The following SLC13A1 variants were observed in gnomAD, a reference collection of about 807,000 sequenced individuals.
SLC13A1 encodes the protein solute carrier family 13 member 1.
In SLC13A1, 65 loss-of-function variants were observed where a neutral mutation model predicts 70.0. The observed-to-expected ratio is 0.93, with a 90% confidence interval of 0.76 to 1.14. The LOEUF is 1.14. Among genes scored for constraint, SLC13A1 ranks in the 50% most tolerant of loss-of-function variants. SLC13A1 has a pLI of 0.00. For missense variants in SLC13A1, 726 were observed against 717.8 expected, an observed-to-expected ratio of 1.01 and a Z score of -0.13; for synonymous variants, 275 against 250.5, an observed-to-expected ratio of 1.10 and a Z score of -0.92.
At chr7:123,137,202 G>T (rs550071754) in intron 7 of SLC13A1, among the ~76,000 whole-genome samples, 2 of 152,276 alleles carry the variant, frequency 1.3e-5, no homozygotes, top group East Asian at 3.9e-4. Flanking sequence ...GAAACTGTGT[G>T]ATGTTCAGGA....
At position 123,168,406 on chromosome 7, in the gene SLC13A1, C is replaced by G. The variant is rs1404627734; in HGVS notation, c.628G>C (p.Gly210Arg). ...KPVPGYNNDT[G>R]KISSKVELEK... ...AACTCCACCTTGCTTGAAATTTTCC[C>G]TGTATCATTATTGTATCTGAAAAAT... The change falls in exon 6 of 15, where the codon GGG (glycine) becomes CGG (arginine). Residue 210 changes from glycine (G) to arginine (R), a missense_variant. Coordinates refer to ENST00000194130, the MANE Select transcript of SLC13A1 (RefSeq NM_022444.4). 1.9e-6 allele frequency: 3 copies of G among 1,592,122 alleles called. No homozygotes were observed. The highest frequency in any genetic ancestry group is 2.7e-5 in the African/African-American group (2 of 74,390).
chr7:123,129,085 A>T (rs1793663143), intron 9 of SLC13A1, 139 bp from the exon 10 acceptor site: 1 of 711,954 alleles, frequency 1.4e-6, no homozygotes, highest in East Asian at 2.7e-5. Context: ...ATTTGAGAGC[A>T]TCAGTGCAGT....
chr7:123,199,309 G>T (rs1467716609), intron 1 of SLC13A1, among the ~76,000 whole-genome samples: 1 of 152,082 alleles, frequency 6.6e-6, no homozygotes, highest in Admixed American at 6.6e-5. Flanking sequence ...TGCTTTATTA[G>T]ATTTTCTGAT....
intron 3 of SLC13A1, 34 bp from the exon 4 acceptor site, chr7:123,169,369 C>T (rs1385791747): frequency 1.3e-6 from 2 of 1,594,274 alleles, no homozygotes; most frequent in African/African-American, 1.3e-5. Flanking sequence ...TGGAGCTGTG[C>T]TCTTAGCTTA....
In SLC13A1 at chr7:123,172,005, C is replaced by T. The variant is rs1412597231; in HGVS notation, c.229-101G>A. The stretch of plus-strand genomic sequence containing the variant: ...GCTGCTCTTAATTTTGACCTTCAAC[C>T]GCATAATCTTTCCATTTTGTTGAGA... On this transcript the variant is annotated intron_variant, in intron 2 of 14. Transcript: ENST00000194130. 6.8e-5 allele frequency: 70 copies of T among 1,028,598 alleles called. No individual in the cohort carries two copies. In the South Asian group the frequency reaches 7.5e-4, roughly 11 times the overall value. 63.7% of individuals were successfully genotyped at this position (1,028,598 alleles called of 1,614,324 possible).
chr7:123,130,208 T>C (rs1344933217), intron 8 of SLC13A1, among the ~76,000 whole-genome samples: 1 of 152,122 alleles, frequency 6.6e-6, no homozygotes, highest in Admixed American at 6.5e-5. Context: ...GCAATCCCAT[T>C]ACTTGGTATA....
intron 6 of SLC13A1, among the ~76,000 whole-genome samples, chr7:123,161,477 C>T (rs189793638): frequency 3.9e-5 from 6 of 152,214 alleles, no homozygotes; most frequent in Admixed American, 3.9e-4. Flanking sequence ...TCTGAATACT[C>T]TTAAATCCAG....
intron 1 of SLC13A1, among the ~76,000 whole-genome samples, chr7:123,194,183 T>C (rs1341391579): frequency 1.3e-5 from 2 of 152,074 alleles, no homozygotes; most frequent in African/African-American, 4.8e-5. Flanking sequence ...GGCCAATGTA[T>C]CCATGATGCA....
chr7:123,142,919 C>G (rs532230135), intron 7 of SLC13A1, among the ~76,000 whole-genome samples: 1 of 151,866 alleles, frequency 6.6e-6, no homozygotes, highest in East Asian at 1.9e-4. Context: ...ACCCGGCTGA[C>G]GAAGAGCTCT....
At chr7:123,129,772 T>A (rs548352024) in intron 8 of SLC13A1, among the ~76,000 whole-genome samples, 1 of 152,328 alleles carries the variant, frequency 6.6e-6, no homozygotes, top group East Asian at 1.9e-4. Flanking sequence ...TTTTCCAAGT[T>A]ATTTTGTACC....
At chr7:123,165,200 G>A (rs1256790913) in intron 6 of SLC13A1, among the ~76,000 whole-genome samples, 3 of 151,866 alleles carry the variant, frequency 2.0e-5, no homozygotes, top group Non-Finnish European at 4.4e-5. Context: ...TATCATAAAT[G>A]TATAATATAT....
At chr7:123,122,538 G>A (rs1012194545) in intron 12 of SLC13A1, among the ~76,000 whole-genome samples, 3 of 152,058 alleles carry the variant, frequency 2.0e-5, no homozygotes, top group African/African-American at 7.2e-5. Context: ...GGACAGACAG[G>A]TCAAATAAAG....
intron 10 of SLC13A1, 111 bp downstream of exon 10, chr7:123,128,734 G>A: frequency 1.4e-6 from 1 of 695,948 alleles, no homozygotes; most frequent in Non-Finnish European, 2.4e-6. Context: ...ATCTTTTCAA[G>A]GGAAAGAAAG....
At chr7:123,144,620 A>T (rs988302596) in intron 7 of SLC13A1, among the ~76,000 whole-genome samples, 1 of 152,122 alleles carries the variant, frequency 6.6e-6, no homozygotes, top group Non-Finnish European at 1.5e-5. Context: ...AAAATGCCAC[A>T]TATATTACAA....
intron 7 of SLC13A1, among the ~76,000 whole-genome samples, chr7:123,138,780 G>T (rs1794037115): frequency 6.6e-6 from 1 of 152,038 alleles, no homozygotes; most frequent in Non-Finnish European, 1.5e-5. Flanking sequence ...TTTCCATATA[G>T]AGTTGTTTAA....
rs753313532 is a variant in SLC13A1, at chr7:123,147,308, G to A, written c.663C>T (p.Asn221=). The change falls in exon 7 of 15, where the codon AAC becomes AAT. Residue 221 remains asparagine, a splice_region_variant and synonymous_variant. Transcript: ENST00000194130. ...TTCGATATTTGGTTCTCATGCCTGA[G>A]TTCTGTTCAACAACAACAAAAAACT... is the stretch of plus-strand genomic sequence containing the variant. ...KISSKVELEK[N]SGMRTKYRTK... 14 of 1,612,914 alleles carry A rather than the reference G, an allele frequency of 8.7e-6. No individual in the cohort carries two copies. In the Admixed American group the frequency reaches 1.5e-4, roughly 17 times the overall value.
chr7:123,151,954 C>T (rs1014554740), intron 6 of SLC13A1, among the ~76,000 whole-genome samples: 4 of 152,132 alleles, frequency 2.6e-5, no homozygotes, highest in Admixed American at 2.0e-4. Context: ...GTTTATAGAT[C>T]TTCTTGCATC....
At chr7:123,137,344 A>T (rs1018251504) in intron 7 of SLC13A1, among the ~76,000 whole-genome samples, 1 of 152,162 alleles carries the variant, frequency 6.6e-6, no homozygotes, top group African/African-American at 2.4e-5. Context: ...TAGGTTGCGT[A>T]GTGAAAAAAG....
chr7:123,193,484 GGTTA>G (rs1354684010), intron 1 of SLC13A1, among the ~76,000 whole-genome samples: 1 of 152,162 alleles, frequency 6.6e-6, no homozygotes, highest in Non-Finnish European at 1.5e-5. Context: ...CATGGGTAGA[GGTTA>G]CTACGTGATC....
Sources: allele counts gnomAD v4.1 joint callset (sites outside exome capture counted in the v4.1 genomes callset), GRCh38; gene constraint gnomAD v4.1.1; transcripts MANE v1.5; gene names NCBI Gene and HGNC (gene_info 2026-07-23, HGNC 2026-07-21).